MRAS: variants seen among roughly 807,000 people sequenced by gnomAD.
MRAS encodes the protein ras-related protein M-Ras.
In MRAS, 4 loss-of-function variants were observed where a neutral mutation model predicts 20.9. The ratio of observed to expected loss-of-function variants is 0.19; its 90% CI spans 0.09 to 0.44. The LOEUF is 0.44. Ranked by LOEUF, MRAS falls within the 20% of genes least tolerant of loss-of-function variation. MRAS has a pLI of 0.99. For missense variants in MRAS, 154 were observed against 277.5 expected (o/e 0.56, Z 3.16); for synonymous variants, 98 against 102.9 (o/e 0.95, Z 0.29).
At chr3:138,357,968 A>C (rs943948982) in intron 1 of MRAS, among the ~76,000 whole-genome samples, 7 of 152,188 alleles carry the variant, frequency 4.6e-5, no homozygotes, top group African/African-American at 1.4e-4. Context: ...TGAAAACTCC[A>C]AATTTTCATT....
chr3:138,363,665 T>TGAGCATGTGTGTGTCTTGAGAG (rs1300856045), intron 1 of MRAS, among the ~76,000 whole-genome samples: 2 of 152,270 alleles, frequency 1.3e-5, no homozygotes, highest in Middle Eastern at 3.4e-3. Context: ...CCATGGAGCC[T>TGAGCATGTGTGTGTCTTGAGAG]GAGCATGTGT....
chr3:138,354,042 T>C (rs1293889966), intron 1 of MRAS, among the ~76,000 whole-genome samples: 4 of 152,162 alleles, frequency 2.6e-5, no homozygotes, highest in Admixed American at 6.5e-5. Flanking sequence ...CTCTACATAA[T>C]CAGTGCAGTG....
Position 138,398,555 on chromosome 3 carries a change from C to A in MRAS, c.434C>A (p.Ala145Glu), listed in dbSNP as rs541672208. Residue 145 changes from alanine to glutamate, a missense_variant, in exon 4 of 6, where the codon GCG (alanine) becomes GAG (glutamate). This residue lies in a region of MRAS where 125 missense variants were observed against 213.5 expected (regional missense o/e 0.59). Transcript: ENST00000423968. ...KITREQGKEM[A>E]TKHNIPYIET... ...ACCAGGGAGCAAGGAAAAGAAATGG[C>A]GACCAAACACAATGTAGGTGTGTGC... 1.9e-6 allele frequency: 3 copies of A among 1,614,008 alleles called. No individual in the cohort carries two copies. The African/African-American group carries it at 4.0e-5, about 22-fold the overall frequency.
chr3:138,359,862 G>C (rs1332909963), intron 1 of MRAS, among the ~76,000 whole-genome samples: 1 of 152,196 alleles, frequency 6.6e-6, no homozygotes, highest in Non-Finnish European at 1.5e-5. Flanking sequence ...AAGAAGGATG[G>C]GTACAGAGTG....
At chr3:138,353,035 C>T (rs1426371175) in intron 1 of MRAS, among the ~76,000 whole-genome samples, 8 of 152,088 alleles carry the variant, frequency 5.3e-5, no homozygotes, top group African/African-American at 1.9e-4. Flanking sequence ...AATCCTAGAC[C>T]CAGAAGGAGC....
chr3:138,376,830 G>T (rs1017193988), intron 2 of MRAS, among the ~76,000 whole-genome samples: 1 of 152,122 alleles, frequency 6.6e-6, no homozygotes, highest in African/African-American at 2.4e-5. Flanking sequence ...TTCCCACAGG[G>T]GTCATTTTTT....
At chr3:138,392,891 T>C (rs1560184215) in intron 2 of MRAS, among the ~76,000 whole-genome samples, 1 of 152,234 alleles carries the variant, frequency 6.6e-6, no homozygotes, top group African/African-American at 2.4e-5. Context: ...TGCTTATTTT[T>C]GTTAAGTTTA....
chr3:138,369,962 C>A (rs1320194090), intron 1 of MRAS, among the ~76,000 whole-genome samples: 1 of 152,202 alleles, frequency 6.6e-6, no homozygotes, highest in Non-Finnish European at 1.5e-5. Flanking sequence ...CTTTTCAATA[C>A]CTTCCCACCC....
intron 1 of MRAS, among the ~76,000 whole-genome samples, chr3:138,355,065 A>G (rs1209847415): frequency 6.6e-6 from 1 of 152,146 alleles, no homozygotes; most frequent in Non-Finnish European, 1.5e-5. Context: ...GATTATAGGC[A>G]TGAGCCCCCA....
At chr3:138,354,565 TG>T (rs954408396) in intron 1 of MRAS, among the ~76,000 whole-genome samples, 3 of 152,210 alleles carry the variant, frequency 2.0e-5, no homozygotes, top group Admixed American at 6.5e-5. Context: ...GAAGCCACTC[TG>T]GGGAGAGTGT....
intron 2 of MRAS, among the ~76,000 whole-genome samples, chr3:138,395,779 C>T (rs372930645): frequency 2.0e-5 from 3 of 152,248 alleles, no homozygotes; most frequent in Admixed American, 6.5e-5. Context: ...TGGTCTCATT[C>T]GCCTTCTGTC....
At chr3:138,383,869 A>G (rs2054955600) in intron 2 of MRAS, among the ~76,000 whole-genome samples, 2 of 152,324 alleles carry the variant, frequency 1.3e-5, no homozygotes, top group South Asian at 4.1e-4. Flanking sequence ...TGAAGGTCAG[A>G]CAAGGTAAGG....
At chr3:138,396,854 C>G (rs1283462747) in intron 2 of MRAS, among the ~76,000 whole-genome samples, 1 of 152,114 alleles carries the variant, frequency 6.6e-6, no homozygotes, top group African/African-American at 2.4e-5. Context: ...AAGCTCTTCT[C>G]CCCTAGGGGG....
At chr3:138,368,092 T>A (rs1422623336) in intron 1 of MRAS, among the ~76,000 whole-genome samples, 1 of 152,236 alleles carries the variant, frequency 6.6e-6, no homozygotes, top group Non-Finnish European at 1.5e-5. Flanking sequence ...TGGCTGCTGT[T>A]CCCAAAGTTG....
At chr3:138,359,892 C>G (rs2054409460) in intron 1 of MRAS, among the ~76,000 whole-genome samples, 1 of 152,192 alleles carries the variant, frequency 6.6e-6, no homozygotes, top group Non-Finnish European at 1.5e-5. Flanking sequence ...TTGGGTTACA[C>G]AATGTGTAAA....
intron 1 of MRAS, among the ~76,000 whole-genome samples, chr3:138,366,745 C>T (rs1480139723): frequency 2.0e-5 from 3 of 152,240 alleles, no homozygotes; most frequent in African/African-American, 7.2e-5. Flanking sequence ...AACCAGTCCA[C>T]AGCAGTTGTC....
chr3:138,397,732 C>T (rs1472136866), intron 3 of MRAS, among the ~76,000 whole-genome samples: 1 of 152,100 alleles, frequency 6.6e-6, no homozygotes, highest in Non-Finnish European at 1.5e-5. Flanking sequence ...TGAGCAAATT[C>T]CATTAAAGAC....
rs1350491153 is a variant in MRAS at position 138,394,840 on chromosome 3, GT to G, written c.194-2483del. Among the ~76,000 whole-genome samples, 4 of 152,154 alleles carry G rather than the reference GT, an allele frequency of 2.6e-5. No individual in the cohort carries two copies. The East Asian group carries it at 7.8e-4, about 30-fold the overall frequency. On this transcript the variant is annotated intron_variant, in intron 2 of 5. Transcript: ENST00000423968. Reference sequence around the variant, plus strand: ...AGAAAGCTCTGCTCCTGTTGACTCTGTCTTAGAAAGTGGCCTTGGTCTGGTC... The same window carrying G: ...AGAAAGCTCTGCTCCTGTTGACTCTGCTTAGAAAGTGGCCTTGGTCTGGTC...
At chr3:138,366,035 C>G (rs1001608394) in intron 1 of MRAS, among the ~76,000 whole-genome samples, 13 of 152,268 alleles carry the variant, frequency 8.5e-5, no homozygotes, top group African/African-American at 3.1e-4. Context: ...AGATATGAAA[C>G]AAGGGGCTGG....
Sources: allele counts gnomAD v4.1 joint callset (sites outside exome capture counted in the v4.1 genomes callset), GRCh38; gene constraint gnomAD v4.1.1; regional missense constraint gnomAD v4.1.1; transcripts MANE v1.5; gene names NCBI Gene and HGNC (gene_info 2026-07-23, HGNC 2026-07-21).